The following PRDM16 variants were observed in gnomAD, a reference collection of about 807,000 sequenced individuals.
PRDM16 encodes the protein PR/SET domain 16, also known as histone-lysine N-methyltransferase PRDM16.
In PRDM16, 23 loss-of-function variants were observed where a neutral mutation model predicts 110.6. The ratio of observed to expected loss-of-function variants is 0.21; its 90% confidence interval spans 0.15 to 0.29. PRDM16 has a LOEUF of 0.29. PRDM16 is among the 10% of genes least tolerant of loss of function. PRDM16 has a pLI of 1.00. For synonymous variants in PRDM16, 799 were observed against 781.8 expected (o/e 1.02, Z -0.37); for missense variants, 1,615 against 1,794.3 (o/e 0.90, Z 1.81).
chr1:3,436,576 G>A lies in PRDM16; in HGVS notation c.*2765G>A, dbSNP rs185001843. The A allele has an allele frequency of 5.0e-4, 115 of 231,974 alleles. No individual in the cohort carries two copies. The Middle Eastern group carries it at 6.5e-3, about 13-fold the overall frequency. The allele number at this position is 231,974 out of a possible 1,614,324, so 14.4% of individuals were successfully genotyped here. A position where few individuals can be genotyped will look rare whatever the true frequency, so the allele number is the denominator to read the frequency against. ...CAGCACTTATTTCCTGGGCTGGTGC[G>A]CCCCAAAACACGGCCCCGACACTTA... On this transcript the variant is annotated 3_prime_UTR_variant, in exon 17 of 17. Coordinates refer to ENST00000270722, the MANE Select transcript of PRDM16 (RefSeq NM_022114.4).
intron 1 of PRDM16, among the ~76,000 whole-genome samples, chr1:3,098,958 C>T (rs546889829): frequency 2.9e-4 from 44 of 152,320 alleles, no homozygotes; most frequent in African/African-American, 9.4e-4. Flanking sequence ...AGTGGCTGAG[C>T]GGCCTCACTG....
chr1:3,316,425 G>A (rs778082764), intron 3 of PRDM16, among the ~76,000 whole-genome samples: 4 of 152,242 alleles, frequency 2.6e-5, no homozygotes, highest in Non-Finnish European at 4.4e-5. Context: ...GGAAGAATGG[G>A]CACTTATGAA....
At chr1:3,263,405 G>C (rs1452414515) in intron 3 of PRDM16, among the ~76,000 whole-genome samples, 1 of 152,230 alleles carries the variant, frequency 6.6e-6, no homozygotes, top group Non-Finnish European at 1.5e-5. Context: ...GCCTGCTCTA[G>C]ATGAGACCAC....
At position 3,080,979 on chromosome 1, in the gene PRDM16, G is replaced by A. The variant is rs1208632788; in HGVS notation, c.37+11683G>A. Among the ~76,000 whole-genome samples the A allele has an allele frequency of 1.3e-5, 2 of 151,996 alleles. No individual in the cohort carries two copies. The highest frequency in any genetic ancestry group is 1.9e-4 in the East Asian group (1 of 5,150). The stretch of plus-strand genomic sequence containing the variant: ...GGGGCGGGGGGGGTCTGCACATTCC[G>A]CCGAGTGTCCTCATGAACAAAAGGC... On this transcript the variant is annotated intron_variant, in intron 1 of 16. Coordinates refer to ENST00000270722, the MANE Select transcript of PRDM16 (RefSeq NM_022114.4). The surrounding 1 kb of genome is among the most constrained non-coding windows in gnomAD (Gnocchi z 5.2).
In PRDM16 at chr1:3,080,896, C is replaced by T. The variant is rs1356649891; in HGVS notation, c.37+11600C>T. 6.6e-6 allele frequency among the ~76,000 whole-genome samples: 1 copy of T among 152,124 alleles called. No individual in the cohort carries two copies. The highest frequency in any genetic ancestry group is 1.9e-4 in the East Asian group (1 of 5,180). On this transcript the variant is annotated intron_variant, in intron 1 of 16. Transcript: ENST00000270722. The surrounding 1 kb of genome is among the most constrained non-coding windows in gnomAD (Gnocchi z 5.2). ...GAGTAGCAGAACCCCGGCCCGAGCA[C>T]CCAACGCTTCCCGGAGAGCTTGTGT...
rs773332334 is a variant in PRDM16, at chr1:3,417,897, T to C, written c.2761T>C (p.Ser921Pro). The change falls in exon 11 of 17, where the codon TCC (serine) becomes CCC (proline). Residue 921 changes from serine (S) to proline (P), a missense_variant. By Grantham distance (74) the Ser-to-Pro change is moderately conservative. Around this residue, in one of 5 missense-constraint regions of PRDM16, gnomAD observed 772 missense variants for 748.3 expected, o/e 1.03. Coordinates refer to ENST00000270722, the MANE Select transcript of PRDM16 (RefSeq NM_022114.4). ...FAAMKADSGS[S>P]LQPLPHHPFN... ...AGCCATGAAGGCGGACTCGGGCAGC[T>C]CCCTGCAGCCCCTCCCCCACCACCC... is the stretch of plus-strand genomic sequence containing the variant. 8.1e-6 allele frequency: 13 copies of C among 1,612,850 alleles called. No individual in the cohort carries two copies. Among genetic ancestry groups the C allele is most frequent in the African/African-American group, 1.3e-5 (1 of 74,902 alleles).
chr1:3,406,294 A>G (rs1643560579), intron 8 of PRDM16, among the ~76,000 whole-genome samples: 1 of 152,052 alleles, frequency 6.6e-6, no homozygotes, highest in Non-Finnish European at 1.5e-5. Flanking sequence ...CTGGTGTGGG[A>G]GCTGAGACTG....
chr1:3,311,832 A>T (rs927531521), intron 3 of PRDM16, among the ~76,000 whole-genome samples: 1 of 152,184 alleles, frequency 6.6e-6, no homozygotes, highest in African/African-American at 2.4e-5. Flanking sequence ...CCTCCCAGAT[A>T]GACCCAGAAG....
In PRDM16 at chr1:3,434,222, T is replaced by C. The variant is rs576868223; in HGVS notation, c.*411T>C. 1 of 243,704 alleles carries C rather than the reference T, an allele frequency of 4.1e-6. No homozygotes were observed. Among genetic ancestry groups the C allele is most frequent in the East Asian group, 6.0e-5 (1 of 16,782 alleles). The allele number at this position is 243,704 out of a possible 1,614,324, so 15.1% of individuals were successfully genotyped here. ...CAAAAGAGAGAGATCACTCAAATGA[T>C]TTTTATAATGAAATGACAAGAATAA... is the stretch of plus-strand genomic sequence containing the variant. On this transcript the variant is annotated 3_prime_UTR_variant, in exon 17 of 17. Transcript: ENST00000270722.
chr1:3,222,825 G>A (rs1303357499), intron 2 of PRDM16, among the ~76,000 whole-genome samples: 1 of 152,238 alleles, frequency 6.6e-6, no homozygotes, highest in Non-Finnish European at 1.5e-5. Flanking sequence ...CTGGGCTTGT[G>A]GTTTCCAAAG....
chr1:3,343,601 C>T (rs978658916), intron 3 of PRDM16, among the ~76,000 whole-genome samples: 2 of 151,856 alleles, frequency 1.3e-5, no homozygotes, highest in African/African-American at 4.8e-5. Context: ...ATCGCTCAGG[C>T]TCTTTTCCTT....
Position 3,218,345 on chromosome 1 carries a change from G to A in PRDM16, c.388-25742G>A, listed in dbSNP as rs531046973. On this transcript the variant is annotated intron_variant, in intron 2 of 16. Transcript: ENST00000270722. The stretch of plus-strand genomic sequence containing the variant: ...CATGGCTGTCAAATGCTTTATCGGA[G>A]AAGGGGGGAGGGCAGTAACCCGTTA... Among the ~76,000 whole-genome samples, 262 of 152,372 alleles carry A rather than the reference G, an allele frequency of 1.7e-3. 2 individuals are homozygous for A. The highest frequency in any genetic ancestry group is 5.7e-3 in the African/African-American group (239 of 41,598).
intron 2 of PRDM16, among the ~76,000 whole-genome samples, chr1:3,202,888 G>C (rs1031696314): frequency 6.6e-6 from 1 of 152,190 alleles, no homozygotes; most frequent in African/African-American, 2.4e-5. Flanking sequence ...ACTCCAGCCT[G>C]TGGTCTGAGT....
In PRDM16 at chr1:3,148,138, C is replaced by A. The variant is rs990268263; in HGVS notation, c.38-37987C>A. The stretch of plus-strand genomic sequence containing the variant: ...GGTGGGGTGTGGTTGGGCATCAGGA[C>A]GGTTTTGTGGGAGGGGCTGGGCTGA... On this transcript the variant is annotated intron_variant, in intron 1 of 16. Coordinates refer to ENST00000270722, the MANE Select transcript of PRDM16 (RefSeq NM_022114.4). This position sits in a 1 kb window ranked among gnomAD's most constrained non-coding sequence, Gnocchi z 5.0. 6.6e-6 allele frequency among the ~76,000 whole-genome samples: 1 copy of A among 151,990 alleles called. No individual in the cohort carries two copies. Among genetic ancestry groups the A allele is most frequent in the Non-Finnish European group, 1.5e-5 (1 of 67,972 alleles).
intron 1 of PRDM16, among the ~76,000 whole-genome samples, chr1:3,102,254 G>A (rs1347406922): frequency 6.6e-6 from 1 of 152,164 alleles, no homozygotes; most frequent in African/African-American, 2.4e-5. Flanking sequence ...GGCTGGGAGG[G>A]GACTCAGGGG....
chr1:3,330,093 G>T lies in PRDM16; in HGVS notation c.439-55059G>T, dbSNP rs1001538318. 2.8e-4 allele frequency among the ~76,000 whole-genome samples: 42 copies of T among 152,250 alleles called. 1 individual carries two copies. Among genetic ancestry groups the T allele is most frequent in the Admixed American group, 2.6e-3 (40 of 15,288 alleles). Reference sequence around the variant, plus strand: ...AGCAGCAGAGCCCTCCGCCAAGAGGGGTTAAGGATGCCTTTGAGACTTCTG... The same window carrying T: ...AGCAGCAGAGCCCTCCGCCAAGAGGTGTTAAGGATGCCTTTGAGACTTCTG... On this transcript the variant is annotated intron_variant, in intron 3 of 16. Coordinates refer to ENST00000270722, the MANE Select transcript of PRDM16 (RefSeq NM_022114.4).
chr1:3,396,369 T>G, intron 4 of PRDM16, 122 bp from the exon 5 acceptor site: 3 of 714,142 alleles, frequency 4.2e-6, no homozygotes, highest in Non-Finnish European at 5.2e-6. Context: ...TTGGTGGCAA[T>G]TAGAGGAAAA....
chr1:3,090,403 G>A (rs1642248568), intron 1 of PRDM16, among the ~76,000 whole-genome samples: 1 of 152,346 alleles, frequency 6.6e-6, no homozygotes, highest in East Asian at 1.9e-4. Flanking sequence ...GGGATTGGTG[G>A]CCGCCGTTCG....
rs551975189 is a variant in PRDM16, at chr1:3,111,025, G to A, written c.37+41729G>A. Among the ~76,000 whole-genome samples, 30 of 152,314 alleles carry A rather than the reference G, an allele frequency of 2.0e-4. No homozygotes were observed. In the East Asian group the frequency reaches 3.3e-3, roughly 17 times the overall value. On this transcript the variant is annotated intron_variant, in intron 1 of 16. Transcript: ENST00000270722. ...CGTGGGCTGGTGAGGATGTGGCACC[G>A]ATGTATTGAGGAATCCCTGGGCCCC... is the stretch of plus-strand genomic sequence containing the variant.
Sources: gnomAD v4.1 joint callset for allele counts (sites outside exome capture counted in the v4.1 genomes callset) on GRCh38, gnomAD v4.1.1 for gene constraint, gnomAD v4.1.1 regional missense constraint, Gnocchi (gnomAD v3.1) non-coding constraint, MANE v1.5 for transcripts, NCBI Gene and HGNC (gene_info 2026-07-23, HGNC 2026-07-21) for gene names.